The following STOX2 variants were observed in gnomAD, a reference collection of about 807,000 sequenced individuals.
STOX2 encodes the protein storkhead-box protein 2.
Under a neutral mutation model 60.9 loss-of-function variants are expected in STOX2, and 28 were observed. That is an observed-to-expected ratio of 0.46 (90% CI 0.34 to 0.63). The LOEUF (loss-of-function observed/expected upper bound fraction) is 0.63. STOX2 is among the 30% of genes least tolerant of loss of function. The pLI is 0.01. For synonymous variants in STOX2, 472 were observed against 463.9 expected (o/e 1.02, Z -0.22); for missense variants, 1,024 against 1,187.7 (o/e 0.86, Z 2.03).
chr4:183,940,276 C>T (rs1742718308), intron 1 of STOX2, among the ~76,000 whole-genome samples: 1 of 152,156 alleles, frequency 6.6e-6, no homozygotes, highest in Admixed American at 6.5e-5. Flanking sequence ...TCGTGCCTCA[C>T]GAATTTTTCC....
intron 1 of STOX2, among the ~76,000 whole-genome samples, chr4:183,976,173 G>A (rs1322652090): frequency 3.3e-5 from 5 of 152,252 alleles, no homozygotes; most frequent in South Asian, 2.1e-4. Context: ...TTAGCTGAGC[G>A]TGGTGGCACA....
chr4:183,893,671 T>A (rs1164019064), intron 1 of STOX2, among the ~76,000 whole-genome samples: 1 of 152,156 alleles, frequency 6.6e-6, no homozygotes, highest in Non-Finnish European at 1.5e-5. Context: ...ACACTATTAT[T>A]TTACATATAA....
Position 183,906,941 on chromosome 4 carries a change from G to A in STOX2, c.151G>A (p.Gly51Ser). 1 of 1,547,208 alleles carries A rather than the reference G, an allele frequency of 6.5e-7. No homozygotes were observed. Among genetic ancestry groups the A allele is most frequent in the Non-Finnish European group, 8.7e-7 (1 of 1,144,214 alleles). Residue 51 changes from glycine to serine, a missense_variant, in exon 1 of 4, where the codon GGC (glycine) becomes AGC (serine). Coordinates refer to ENST00000308497, the MANE Select transcript of STOX2 (RefSeq NM_020225.3). ...PAAFAPQASR[G>S]YMTSGDVSPI... ...GGCCTTCGCGCCCCAGGCTTCGCGG[G>A]GCTACATGACATCAGGTTGGTTGGT... is the stretch of plus-strand genomic sequence containing the variant.
chr4:183,805,625 A>G (rs1291065920), intron 1 of STOX2, among the ~76,000 whole-genome samples: 1 of 152,138 alleles, frequency 6.6e-6, no homozygotes, highest in Admixed American at 6.5e-5. Flanking sequence ...CTGGGGCAAG[A>G]TGGCAAGATC....
intron 1 of STOX2, among the ~76,000 whole-genome samples, chr4:183,955,373 A>G (rs1323040815): frequency 6.6e-6 from 1 of 152,206 alleles, no homozygotes; most frequent in Non-Finnish European, 1.5e-5. Flanking sequence ...AATTGCATAG[A>G]TTTTAAAAAA....
At chr4:183,833,800 G>A (rs1739631671) in intron 1 of STOX2, among the ~76,000 whole-genome samples, 1 of 148,564 alleles carries the variant, frequency 6.7e-6, no homozygotes, top group Non-Finnish European at 1.5e-5. Context: ...GGCTAAAAAC[G>A]GTGAAACCCC....
At chr4:183,877,668 C>T (rs2164302) in intron 1 of STOX2, among the ~76,000 whole-genome samples, 148,232 of 152,196 alleles carry the variant, frequency 0.97, 72,297 homozygotes, top group East Asian at 1. Context: ...TGCCGCACTT[C>T]CGCTGCTGCT....
intron 1 of STOX2, among the ~76,000 whole-genome samples, chr4:183,910,053 G>C (rs1741734982): frequency 6.6e-6 from 1 of 152,190 alleles, no homozygotes; most frequent in Non-Finnish European, 1.5e-5. Flanking sequence ...GAATTCATGA[G>C]CTTCCTAGCA....
chr4:184,001,297 C>G lies in STOX2; in HGVS notation c.167-28C>G, dbSNP rs953172678. The G allele has an allele frequency of 4.3e-6, 7 of 1,610,612 alleles. No individual in the cohort carries two copies. Among genetic ancestry groups the G allele is most frequent in the Non-Finnish European group, 5.9e-6 (7 of 1,177,416 alleles). On this transcript the variant is annotated intron_variant, in intron 1 of 3. Coordinates refer to ENST00000308497, the MANE Select transcript of STOX2 (RefSeq NM_020225.3). The surrounding 1 kb of genome is among the most constrained non-coding windows in gnomAD (Gnocchi z 4.2). ...CAGATGACCGGGTCTTTTAATGAACCACTCACTTGAAAATTGTCTTTCTGC... is the reference window on the plus strand; with the variant it reads ...CAGATGACCGGGTCTTTTAATGAACGACTCACTTGAAAATTGTCTTTCTGC...
chr4:183,804,901 G>A (rs1251760833), intron 1 of STOX2, among the ~76,000 whole-genome samples: 5 of 152,166 alleles, frequency 3.3e-5, no homozygotes, highest in East Asian at 1.9e-4. Flanking sequence ...TCTTGAGCAC[G>A]TTTGTTTCCT....
At chr4:183,874,055 C>G (rs546135964) in intron 1 of STOX2, among the ~76,000 whole-genome samples, 48 of 152,290 alleles carry the variant, frequency 3.2e-4, no homozygotes, top group Admixed American at 3.9e-4. Flanking sequence ...CCTGTGGCTC[C>G]CATAAGTAAG....
At position 183,905,853 on chromosome 4, in the gene STOX2, A is replaced by C. The variant is rs1037615647; in HGVS notation, c.-938A>C. ...CTGCCGCCGCGCGGGGGTCGATCGC[A>C]GGCTCGGCGTCCTTGGCAGCCATGG... is the stretch of plus-strand genomic sequence containing the variant. On this transcript the variant is annotated 5_prime_UTR_variant, in exon 1 of 4. Transcript: ENST00000308497. 5.9e-5 allele frequency: 9 copies of C among 152,098 alleles called. No individual in the cohort carries two copies. Among genetic ancestry groups the C allele is most frequent in the African/African-American group, 2.2e-4 (9 of 41,380 alleles). The allele number at this position is 152,098 out of a possible 1,614,324, so 9.4% of individuals were successfully genotyped here.
At chr4:183,859,903 T>TG (rs1192839599) in intron 1 of STOX2, among the ~76,000 whole-genome samples, 1 of 132,594 alleles carries the variant, frequency 7.5e-6, no homozygotes, top group Non-Finnish European at 1.7e-5. Context: ...TCATGTCAGT[T>TG]GCGTTTACTG....
rs563298447 is a variant in STOX2, at chr4:183,834,004, A to G, written c.364+35949A>G. ...CTCAAAAAAAAAAAAAAAAAAAAGA[A>G]TGTGAGAAGGTGTTGTCACAAAATC... is the stretch of plus-strand genomic sequence containing the variant. On this transcript the variant is annotated intron_variant, in intron 1 of 2. Coordinates refer to the STOX2 transcript ENST00000513034. 7.1e-3 allele frequency among the ~76,000 whole-genome samples: 1,069 copies of G among 150,326 alleles called. 17 individuals are homozygous for G. The highest frequency in any genetic ancestry group is 0.025 in the African/African-American group (1,015 of 40,860).
chr4:183,895,794 G>A (rs528444570), intron 1 of STOX2, among the ~76,000 whole-genome samples: 1 of 152,334 alleles, frequency 6.6e-6, no homozygotes, highest in South Asian at 2.1e-4. Flanking sequence ...TACACCGCCA[G>A]GGAAGCAGAC....
intron 1 of STOX2, among the ~76,000 whole-genome samples, chr4:183,948,517 T>C (rs1208638890): frequency 2.7e-5 from 4 of 146,232 alleles, no homozygotes; most frequent in Non-Finnish European, 6.0e-5. Flanking sequence ...TTGGACAAGC[T>C]GTTAACTTGT....
intron 1 of STOX2, among the ~76,000 whole-genome samples, chr4:183,824,612 T>C (rs1739379787): frequency 6.6e-6 from 1 of 152,224 alleles, no homozygotes; most frequent in Non-Finnish European, 1.5e-5. Context: ...TAATTTGCTG[T>C]AAACTGGTAA....
intron 1 of STOX2, among the ~76,000 whole-genome samples, chr4:183,871,136 G>T (rs1267713784): frequency 6.6e-6 from 1 of 152,218 alleles, no homozygotes; most frequent in South Asian, 2.1e-4. Flanking sequence ...CTAACAGGGA[G>T]ATACCATCCT....
At chr4:183,862,561 T>C (rs1395797839) in intron 1 of STOX2, among the ~76,000 whole-genome samples, 1 of 151,844 alleles carries the variant, frequency 6.6e-6, no homozygotes, top group Admixed American at 6.5e-5. Flanking sequence ...TCTGAAGAAG[T>C]GACAATGGGA....
Sources: gnomAD v4.1 joint callset for allele counts (sites outside exome capture counted in the v4.1 genomes callset) on GRCh38, gnomAD v4.1.1 for gene constraint, Gnocchi (gnomAD v3.1) non-coding constraint, MANE v1.5 for transcripts, NCBI Gene and HGNC (gene_info 2026-07-23, HGNC 2026-07-21) for gene names.